Variants in CMIP observed in about 807,000 individuals in gnomAD.
The protein encoded by CMIP is c-Maf inducing protein.
CMIP carries 13 observed loss-of-function variants against 97.3 expected under a neutral mutation model. The ratio of observed to expected loss-of-function variants is 0.13; its 90% CI spans 0.09 to 0.21. CMIP has a LOEUF of 0.21. CMIP is among the 10% of genes least tolerant of loss of function. The pLI, the probability that CMIP is intolerant of heterozygous loss-of-function variation, is 1.00. For synonymous variants in CMIP, 538 were observed against 436.3 expected (o/e 1.23, Z -2.91); for missense variants, 847 against 1,024.9 (o/e 0.83, Z 2.37).
chr16:81,570,226 A>C (rs1370321685), intron 1 of CMIP, among the ~76,000 whole-genome samples: 1 of 152,124 alleles, frequency 6.6e-6, no homozygotes, highest in Non-Finnish European at 1.5e-5. Context: ...TGGTGTAGCC[A>C]CAGAGGGGGT....
chr16:81,509,103 A>G (rs2089763537), intron 1 of CMIP, among the ~76,000 whole-genome samples: 1 of 152,184 alleles, frequency 6.6e-6, no homozygotes, highest in Admixed American at 6.5e-5. Flanking sequence ...CAGAGAGAAA[A>G]AGTGCCAGCA....
intron 1 of CMIP, among the ~76,000 whole-genome samples, chr16:81,510,727 G>GT (rs1021866812): frequency 5.3e-5 from 8 of 151,528 alleles, no homozygotes; most frequent in South Asian, 2.1e-4. Context: ...GTTTTGTTTT[G>GT]TTTTTTTGGT....
chr16:81,635,482 G>T (rs997610705), intron 3 of CMIP, among the ~76,000 whole-genome samples: 1 of 152,212 alleles, frequency 6.6e-6, no homozygotes, highest in Non-Finnish European at 1.5e-5. Flanking sequence ...GATCTGGAGT[G>T]ACACCCACCA....
intron 1 of CMIP, among the ~76,000 whole-genome samples, chr16:81,514,634 G>A (rs769370515): frequency 3.9e-5 from 6 of 152,114 alleles, no homozygotes; most frequent in Admixed American, 1.3e-4. Context: ...GGTCAATCGC[G>A]GTGGCTCTGG....
intron 5 of CMIP, 103 bp from the exon 6 acceptor site, chr16:81,660,781 C>T (rs1336299505): frequency 3.3e-6 from 4 of 1,229,156 alleles, no homozygotes; most frequent in Non-Finnish European, 4.8e-6. Context: ...ATGTGTTGCT[C>T]TGCATTTATT....
intron 13 of CMIP, among the ~76,000 whole-genome samples, chr16:81,694,040 A>G (rs530361267): frequency 1.3e-5 from 2 of 152,334 alleles, no homozygotes; most frequent in East Asian, 3.9e-4. Context: ...GGCCCGCATC[A>G]TCTGATAGTA....
Position 81,483,053 on chromosome 16 carries a change from A to G in CMIP, c.300+37512A>G, listed in dbSNP as rs545455378. 2.0e-5 allele frequency among the ~76,000 whole-genome samples: 3 copies of G among 152,312 alleles called. No homozygotes were observed. The South Asian group carries it at 6.2e-4, about 32-fold the overall frequency. Reference sequence around the variant, plus strand: ...GAGGAAAATGAACACGGAAATATAGAATCTTGTCTGCTGCCACTAAGTGCT... The same window carrying G: ...GAGGAAAATGAACACGGAAATATAGGATCTTGTCTGCTGCCACTAAGTGCT... On this transcript the variant is annotated intron_variant, in intron 1 of 20. Coordinates refer to ENST00000537098, the MANE Select transcript of CMIP (RefSeq NM_198390.3).
At chr16:81,649,151 T>C (rs2092398820) in intron 3 of CMIP, among the ~76,000 whole-genome samples, 1 of 152,268 alleles carries the variant, frequency 6.6e-6, no homozygotes, top group African/African-American at 2.4e-5. Context: ...TCATAAGAGC[T>C]AGCACTGTGC....
At chr16:81,541,667 T>A (rs1362790370) in intron 1 of CMIP, among the ~76,000 whole-genome samples, 1 of 152,188 alleles carries the variant, frequency 6.6e-6, no homozygotes, top group Non-Finnish European at 1.5e-5. Context: ...TAAGAAAGTC[T>A]CAGTGGAGTG....
chr16:81,512,930 T>A (rs2089841029), intron 1 of CMIP, among the ~76,000 whole-genome samples: 1 of 152,158 alleles, frequency 6.6e-6, no homozygotes, highest in Middle Eastern at 3.4e-3. Flanking sequence ...AGAAATGGGG[T>A]TTCTCCATGT....
In CMIP at chr16:81,670,171, G is replaced by T. The variant is rs1175266687; in HGVS notation, c.855G>T (p.Leu285=). ...MDFGKCPRLR[L]FTQEYILALN... Reference sequence around the variant, plus strand: ...TTGGGAAGTGCCCGCGACTGAGGCTGTTTACTCAGGAGTACATCCTTGCCT... The same window carrying T: ...TTGGGAAGTGCCCGCGACTGAGGCTTTTTACTCAGGAGTACATCCTTGCCT... The change falls in exon 8 of 21, where the codon CTG becomes CTT. Residue 285 remains leucine, a synonymous_variant. Transcript: ENST00000537098. 16 of 1,610,886 alleles carry T rather than the reference G, an allele frequency of 9.9e-6. No individual in the cohort carries two copies. Among genetic ancestry groups the T allele is most frequent in the Non-Finnish European group, 1.1e-5 (13 of 1,178,762 alleles).
intron 15 of CMIP, among the ~76,000 whole-genome samples, chr16:81,701,402 C>T (rs978622438): frequency 3.9e-5 from 6 of 152,176 alleles, no homozygotes; most frequent in Non-Finnish European, 5.9e-5. Flanking sequence ...GTCCAGACAC[C>T]GCACGGTAAG....
At chr16:81,466,322 A>G (rs1173469050) in intron 1 of CMIP, among the ~76,000 whole-genome samples, 2 of 152,000 alleles carry the variant, frequency 1.3e-5, no homozygotes, top group African/African-American at 4.8e-5. Context: ...TGGCCTCCCA[A>G]AGTGTTGGGA....
At chr16:81,567,653 T>C (rs1257457687) in intron 1 of CMIP, among the ~76,000 whole-genome samples, 2 of 152,136 alleles carry the variant, frequency 1.3e-5, no homozygotes, top group African/African-American at 4.8e-5. Flanking sequence ...TCCCTTTCCC[T>C]CTCACAGTAT....
chr16:81,675,956 G>A (rs1364614539), intron 9 of CMIP, among the ~76,000 whole-genome samples: 1 of 152,252 alleles, frequency 6.6e-6, no homozygotes, highest in East Asian at 1.9e-4. Flanking sequence ...CTGGGTTTCA[G>A]TGGCAGAACT....
At chr16:81,654,259 A>G (rs11863265) in intron 4 of CMIP, among the ~76,000 whole-genome samples, 7,342 of 143,250 alleles carry the variant, frequency 0.051, 212 homozygotes, top group African/African-American at 0.1. Flanking sequence ...ATTATTAACA[A>G]TGGGGTCTCA....
chr16:81,618,441 C>T (rs533667817), intron 2 of CMIP: 1 of 152,368 alleles, frequency 6.6e-6, no homozygotes, highest in East Asian at 1.9e-4. Context: ...GTCCCGTTGC[C>T]ACGCAGGATA....
chr16:81,648,628 C>G (rs2092392416), intron 3 of CMIP, among the ~76,000 whole-genome samples: 1 of 151,684 alleles, frequency 6.6e-6, no homozygotes, highest in Non-Finnish European at 1.5e-5. Context: ...ACTAAAAATA[C>G]AAAAATTAGC....
intron 3 of CMIP, among the ~76,000 whole-genome samples, chr16:81,623,839 T>A (rs996302568): frequency 2.0e-5 from 3 of 152,206 alleles, no homozygotes; most frequent in African/African-American, 7.2e-5. Flanking sequence ...AGGTCATTTC[T>A]GGTTCATTGT....
Sources: gnomAD v4.1 joint callset for allele counts (sites outside exome capture counted in the v4.1 genomes callset) on GRCh38, gnomAD v4.1.1 for gene constraint, MANE v1.5 for transcripts, NCBI Gene and HGNC (gene_info 2026-07-23, HGNC 2026-07-21) for gene names.